CAPZB: variants seen among roughly 807,000 people sequenced by gnomAD.
CAPZB encodes capping actin protein of muscle Z-line subunit beta.
A neutral mutation model predicts 38.1 loss-of-function variants in CAPZB; 2 were observed. The observed-to-expected ratio is 0.05, with a 90% CI of 0.02 to 0.17. The LOEUF (loss-of-function observed/expected upper bound fraction) is 0.17, where lower values mean the gene tolerates loss of function less well. Ranked by LOEUF, CAPZB falls within the 10% of genes least tolerant of loss-of-function variation. The pLI is 1.00. For missense variants in CAPZB, 161 were observed against 334.2 expected, an observed-to-expected ratio of 0.48 and a Z score of 4.04; for synonymous variants, 107 against 127.4, an observed-to-expected ratio of 0.84 and a Z score of 1.08.
intron 1 of CAPZB, among the ~76,000 whole-genome samples, chr1:19,459,424 C>T (rs1261972985): frequency 7.9e-5 from 12 of 152,060 alleles, no homozygotes; most frequent in Non-Finnish European, 5.9e-5. Flanking sequence ...AAAGACAATT[C>T]GGAGATTAAA....
At chr1:19,472,890 T>C (rs2094594517) in intron 1 of CAPZB, among the ~76,000 whole-genome samples, 1 of 151,880 alleles carries the variant, frequency 6.6e-6, no homozygotes, top group African/African-American at 2.4e-5. Flanking sequence ...GCTAATTTTT[T>C]GTACTTTTAG....
intron 2 of CAPZB, among the ~76,000 whole-genome samples, chr1:19,406,799 C>G (rs1389346502): frequency 6.6e-6 from 1 of 152,178 alleles, no homozygotes; most frequent in Non-Finnish European, 1.5e-5. Flanking sequence ...CCCGGGAGAA[C>G]AGCAGAGTAT....
At chr1:19,361,681 G>GA (rs1370962333) in intron 4 of CAPZB, among the ~76,000 whole-genome samples, 1 of 152,142 alleles carries the variant, frequency 6.6e-6, no homozygotes, top group Non-Finnish European at 1.5e-5. Context: ...ATGAAACAAG[G>GA]AAAAAATAAT....
intron 3 of CAPZB, among the ~76,000 whole-genome samples, chr1:19,381,256 C>T (rs976621881): frequency 6.6e-6 from 1 of 150,862 alleles, no homozygotes; most frequent in Non-Finnish European, 1.5e-5. Flanking sequence ...AATTCTTGCA[C>T]CCCCGCCCCC....
At chr1:19,366,322 T>A (rs2094087967) in intron 4 of CAPZB, among the ~76,000 whole-genome samples, 1 of 125,430 alleles carries the variant, frequency 8.0e-6, no homozygotes, top group East Asian at 2.5e-4. Flanking sequence ...ATAAAATAAA[T>A]GGTCATGAGG....
chr1:19,358,073 C>T (rs1291207785), intron 4 of CAPZB, among the ~76,000 whole-genome samples: 2 of 152,204 alleles, frequency 1.3e-5, no homozygotes, highest in South Asian at 2.1e-4. Context: ...AAGCGCTAGC[C>T]GGAAATGAAG....
chr1:19,448,494 C>T (rs986587599), intron 1 of CAPZB, among the ~76,000 whole-genome samples: 1 of 152,244 alleles, frequency 6.6e-6, no homozygotes, highest in African/African-American at 2.4e-5. Context: ...CTTCTCTGAA[C>T]CGCAGAAACA....
intron 6 of CAPZB, among the ~76,000 whole-genome samples, chr1:19,348,657 G>A (rs1419899492): frequency 6.6e-6 from 1 of 151,750 alleles, no homozygotes; most frequent in Non-Finnish European, 1.5e-5. Context: ...CACTGGGCTG[G>A]ACTCGGTCTG....
intron 8 of CAPZB, among the ~76,000 whole-genome samples, chr1:19,343,438 G>A (rs572391926): frequency 5.9e-5 from 9 of 152,364 alleles, no homozygotes; most frequent in African/African-American, 2.2e-4. Context: ...GAGAGGGCTG[G>A]CCGCTAAAGG....
In CAPZB at chr1:19,479,797, T is replaced by G. The variant is rs143091294; in HGVS notation, c.3+5639A>C. ...CTACCTGCCCTGTCAAAAATTTCACTGGCTCCACACTGTCCCAGATCTAAT... is the reference window on the plus strand; with the variant it reads ...CTACCTGCCCTGTCAAAAATTTCACGGGCTCCACACTGTCCCAGATCTAAT... On this transcript the variant is annotated intron_variant, in intron 1 of 8. Coordinates refer to ENST00000264202, the MANE Select transcript of CAPZB (RefSeq NM_004930.5). Among the ~76,000 whole-genome samples, 107 of 152,322 alleles carry G rather than the reference T, an allele frequency of 7.0e-4. 1 individual carries two copies. The highest frequency in any genetic ancestry group is 2.5e-3 in the African/African-American group (105 of 41,586).
At chr1:19,347,819 A>G (rs1394067329) in intron 6 of CAPZB, among the ~76,000 whole-genome samples, 1 of 152,144 alleles carries the variant, frequency 6.6e-6, no homozygotes, top group Non-Finnish European at 1.5e-5. Context: ...CCTGTTTTAA[A>G]CCCAAGGAAA....
intron 1 of CAPZB, among the ~76,000 whole-genome samples, chr1:19,439,920 C>A (rs1232742402): frequency 2.0e-5 from 3 of 152,168 alleles, no homozygotes; most frequent in African/African-American, 7.2e-5. Flanking sequence ...GGAATCAAGG[C>A]CCTAACATCC....
chr1:19,450,165 A>AAAAAG (rs1558273092), intron 1 of CAPZB, among the ~76,000 whole-genome samples: 3,476 of 128,020 alleles, frequency 0.027, 233 homozygotes, highest in African/African-American at 0.11. Context: ...AAAAAAAAAA[A>AAAAAG]AAAAGAAAAG....
intron 6 of CAPZB, among the ~76,000 whole-genome samples, chr1:19,349,645 C>T (rs1569892156): frequency 6.6e-6 from 1 of 152,130 alleles, no homozygotes; most frequent in South Asian, 2.1e-4. Flanking sequence ...TAGGAGAGGT[C>T]GGGTGGAGGA....
chr1:19,365,075 C>T (rs2094076050), intron 4 of CAPZB, among the ~76,000 whole-genome samples: 1 of 152,148 alleles, frequency 6.6e-6, no homozygotes, highest in East Asian at 1.9e-4. Flanking sequence ...AACTCCTGGG[C>T]TCAAGTAATC....
At chr1:19,450,844 T>C (rs1173686991) in intron 1 of CAPZB, among the ~76,000 whole-genome samples, 2 of 152,186 alleles carry the variant, frequency 1.3e-5, no homozygotes, top group Non-Finnish European at 2.9e-5. Flanking sequence ...ATATACCACA[T>C]TTGTTTTGGA....
chr1:19,457,145 A>G (rs2094535523), intron 1 of CAPZB, among the ~76,000 whole-genome samples: 1 of 152,230 alleles, frequency 6.6e-6, no homozygotes, highest in Non-Finnish European at 1.5e-5. Context: ...AAGGGGAATT[A>G]GAGACACTCA....
intron 4 of CAPZB, among the ~76,000 whole-genome samples, chr1:19,361,946 G>A (rs1442092499): frequency 1.3e-5 from 2 of 152,212 alleles, no homozygotes; most frequent in Non-Finnish European, 2.9e-5. Flanking sequence ...CTCAGGCCTT[G>A]TACTTCCATG....
At chr1:19,355,134 C>G (rs59980977) in intron 6 of CAPZB, among the ~76,000 whole-genome samples, 1 of 152,072 alleles carries the variant, frequency 6.6e-6, no homozygotes, top group Non-Finnish European at 1.5e-5. Context: ...ATTCACCTTG[C>G]GCCACTATTT....
Sources: gnomAD v4.1 joint callset for allele counts (sites outside exome capture counted in the v4.1 genomes callset) on GRCh38, gnomAD v4.1.1 for gene constraint, MANE v1.5 for transcripts, NCBI Gene and HGNC (gene_info 2026-07-23, HGNC 2026-07-21) for gene names.